NPSR1: variants seen among roughly 807,000 people sequenced by gnomAD.
NPSR1 encodes the protein neuropeptide S receptor 1, also known as neuropeptide S receptor.
A neutral mutation model predicts 46.9 loss-of-function variants in NPSR1; 48 were observed. The observed-to-expected ratio is 1.02, with a 90% confidence interval of 0.81 to 1.30. The LOEUF (loss-of-function observed/expected upper bound fraction) is 1.30, where lower values mean the gene tolerates loss of function less well. NPSR1 is among the 50% of genes most tolerant of loss of function. NPSR1 has a pLI of 0.00. For synonymous variants in NPSR1, 176 were observed against 168.1 expected (o/e 1.05, Z -0.36); for missense variants, 450 against 449.5 (o/e 1.00, Z -0.01).
intron 4 of NPSR1, among the ~76,000 whole-genome samples, chr7:34,824,480 G>T (rs1789729461): frequency 6.6e-6 from 1 of 152,146 alleles, no homozygotes; most frequent in Admixed American, 6.5e-5. Context: ...TGCCTGGAAG[G>T]CCATCAGTCT....
chr7:34,693,986 A>G (rs575362644), intron 2 of NPSR1, among the ~76,000 whole-genome samples: 18 of 152,342 alleles, frequency 1.2e-4, no homozygotes, highest in Middle Eastern at 6.8e-3. Context: ...CAAATTAGGC[A>G]TCTAAGGAAC....
At chr7:34,780,197 T>A (rs532846703) in intron 3 of NPSR1, among the ~76,000 whole-genome samples, 101 of 152,282 alleles carry the variant, frequency 6.6e-4, no homozygotes, top group African/African-American at 2.3e-3. Flanking sequence ...CAAATCAACT[T>A]GGATTCAGTA....
At chr7:34,748,735 C>T (rs1217303624) in intron 2 of NPSR1, among the ~76,000 whole-genome samples, 1 of 151,922 alleles carries the variant, frequency 6.6e-6, no homozygotes, top group African/African-American at 2.4e-5. Context: ...GCTGGGGGAG[C>T]AGGTGGAAGA....
In NPSR1 at chr7:34,710,038, C is replaced by T. The variant is rs112856017; in HGVS notation, c.280+25354C>T. ...GACTCCTGAGCAAGCTCCTGCAAAA[C>T]ACCTATTTTGGTGCTGCAAGCACCT... On this transcript the variant is annotated intron_variant, in intron 2 of 8. Transcript: ENST00000360581. Among the ~76,000 whole-genome samples the T allele has an allele frequency of 5.2e-4, 79 of 152,340 alleles. 1 individual carries two copies. The highest frequency in any genetic ancestry group is 1.6e-3 in the African/African-American group (67 of 41,582).
At chr7:34,728,501 C>T (rs564976319) in intron 2 of NPSR1, among the ~76,000 whole-genome samples, 16 of 152,198 alleles carry the variant, frequency 1.1e-4, no homozygotes, top group Non-Finnish European at 2.1e-4. Flanking sequence ...GTAGAGCAGA[C>T]GCTCTTGCCT....
downstream of NPSR1, among the ~76,000 whole-genome samples, chr7:34,854,211 TCAAA>T (rs1791003357): frequency 6.6e-6 from 1 of 151,988 alleles, no homozygotes; most frequent in Non-Finnish European, 1.5e-5. Flanking sequence ...GATAAGTCAC[TCAAA>T]CAATTTGAAA....
At chr7:34,714,246 G>T (rs1783442964) in intron 2 of NPSR1, among the ~76,000 whole-genome samples, 1 of 152,208 alleles carries the variant, frequency 6.6e-6, no homozygotes, top group African/African-American at 2.4e-5. Flanking sequence ...TATGACCCAG[G>T]TTCTGAAATT....
chr7:34,859,485 G>A (rs1791136104), intron 8 of NPSR1, among the ~76,000 whole-genome samples: 1 of 151,532 alleles, frequency 6.6e-6, no homozygotes, highest in Non-Finnish European at 1.5e-5. Context: ...GCTGAACACA[G>A]CATTCCTCAG....
chr7:34,809,618 T>C (rs1314844757), intron 3 of NPSR1, among the ~76,000 whole-genome samples: 1 of 151,892 alleles, frequency 6.6e-6, no homozygotes, highest in African/African-American at 2.4e-5. Flanking sequence ...CGCCCGCCAC[T>C]ACGCCCGGCT....
chr7:34,777,261 G>A lies in NPSR1; in HGVS notation c.281-1201G>A, dbSNP rs75398218. On this transcript the variant is annotated intron_variant, in intron 2 of 8. Transcript: ENST00000360581. ...TGGGAACTCAAGTTCTGACCACCAGGATTGGTGATTTCCTTTTGGCTAGAG... is the reference window on the plus strand; with the variant it reads ...TGGGAACTCAAGTTCTGACCACCAGAATTGGTGATTTCCTTTTGGCTAGAG... Among the ~76,000 whole-genome samples, 702 of 152,252 alleles carry A rather than the reference G, an allele frequency of 4.6e-3. 18 individuals are homozygous for A. In the East Asian group the frequency reaches 0.069, roughly 15 times the overall value.
intron 3 of NPSR1, among the ~76,000 whole-genome samples, chr7:34,787,917 A>T (rs1293102727): frequency 6.6e-6 from 1 of 152,100 alleles, no homozygotes; most frequent in Non-Finnish European, 1.5e-5. Context: ...GAAAAAGCTC[A>T]AAATAACCAA....
rs547797762 is a variant in NPSR1 at position 34,869,182 on chromosome 7, A to G, written c.1026-8894A>G. 3.0e-4 allele frequency among the ~76,000 whole-genome samples: 46 copies of G among 151,870 alleles called. 2 individuals are homozygous for G. The highest frequency in any genetic ancestry group is 1.1e-3 in the African/African-American group (46 of 41,142). On this transcript the variant is annotated intron_variant, in intron 8 of 8. Coordinates refer to the NPSR1 transcript ENST00000359791. The stretch of plus-strand genomic sequence containing the variant: ...AGTATGGTAGCAGTCAGGACTTTTC[A>G]TCAATGACAGCCTCTGGAAACCATG...
At chr7:34,669,849 A>G (rs423282) in intron 1 of NPSR1, among the ~76,000 whole-genome samples, 20,114 of 152,190 alleles carry the variant, frequency 0.13, 1,480 homozygotes, top group African/African-American at 0.19. Flanking sequence ...ATCTCTAACT[A>G]TCCAAGTTGG....
intron 7 of NPSR1, among the ~76,000 whole-genome samples, chr7:34,847,611 A>G (rs1488828337): frequency 6.6e-6 from 1 of 152,190 alleles, no homozygotes; most frequent in Admixed American, 6.5e-5. Flanking sequence ...GAGAAGACCA[A>G]CGTCCTAGCT....
At chr7:34,751,892 C>A in intron 2 of NPSR1, 1 of 1,524,486 alleles carries the variant, frequency 6.6e-7, no homozygotes, top group Non-Finnish European at 9.1e-7. Context: ...CAAAGCCTTT[C>A]GGGACCGTCT....
chr7:34,671,854 C>T (rs1051243599), intron 1 of NPSR1, among the ~76,000 whole-genome samples: 10 of 151,788 alleles, frequency 6.6e-5, no homozygotes, highest in African/African-American at 1.7e-4. Flanking sequence ...GATTTTGAGT[C>T]TCCCGGATGG....
intron 2 of NPSR1, among the ~76,000 whole-genome samples, chr7:34,709,826 A>T (rs1783184915): frequency 6.6e-6 from 1 of 151,898 alleles, no homozygotes; most frequent in South Asian, 2.1e-4. Flanking sequence ...ATGTCCTAAC[A>T]CTCTACTAAG....
At chr7:34,855,723 A>G (rs1002742669) in intron 8 of NPSR1, among the ~76,000 whole-genome samples, 2 of 152,138 alleles carry the variant, frequency 1.3e-5, no homozygotes, top group African/African-American at 4.8e-5. Flanking sequence ...CAAGAAAAAA[A>G]TTGCAAGTCA....
At chr7:34,694,091 C>T (rs997327972) in intron 2 of NPSR1, among the ~76,000 whole-genome samples, 1 of 152,042 alleles carries the variant, frequency 6.6e-6, no homozygotes, top group Non-Finnish European at 1.5e-5. Flanking sequence ...AACTGGAACA[C>T]AATGAGGATG....
Sources: gnomAD v4.1 joint callset for allele counts (sites outside exome capture counted in the v4.1 genomes callset) on GRCh38, gnomAD v4.1.1 for gene constraint, MANE v1.5 for transcripts, NCBI Gene and HGNC (gene_info 2026-07-23, HGNC 2026-07-21) for gene names.